The following CABIN1 variants were observed in gnomAD, a reference collection of about 807,000 sequenced individuals.
CABIN1 encodes the protein calcineurin binding protein 1.
In CABIN1, 133 loss-of-function variants were observed where a neutral mutation model predicts 227.7. That is an observed-to-expected ratio of 0.58 (90% CI 0.51 to 0.67). The LOEUF is 0.67. Ranked by LOEUF, CABIN1 falls within the 30% of genes least tolerant of loss-of-function variation. The pLI is 0.00. For missense variants in CABIN1, 2,408 were observed against 2,852.5 expected (o/e 0.84, Z 3.55); for synonymous variants, 1,086 against 1,155.1 (o/e 0.94, Z 1.21).
At chr22:24,157,185 C>T (rs1352707737) in intron 29 of CABIN1, among the ~76,000 whole-genome samples, 1 of 152,124 alleles carries the variant, frequency 6.6e-6, no homozygotes, top group African/African-American at 2.4e-5. Flanking sequence ...AACTTCCTGT[C>T]CCTAGGGGTG....
rs543250315 is a variant in CABIN1 at position 24,175,930 on chromosome 22, G to A, written c.6041-181G>A. 25 of 715,232 alleles carry A rather than the reference G, an allele frequency of 3.5e-5. No homozygotes were observed. In the East Asian group the frequency reaches 6.2e-4, roughly 18 times the overall value. 44.3% of individuals were successfully genotyped at this position (715,232 alleles called of 1,614,324 possible). A position where few individuals can be genotyped will look rare whatever the true frequency, so the allele number is the denominator to read the frequency against. On this transcript the variant is annotated intron_variant, in intron 34 of 36. Transcript: ENST00000263119. ...GCCAGCCCCTACCAGTGTCCTCTTG[G>A]GTGGTGAGTGGTTTCTTGGCAGCAC...
In CABIN1 at chr22:24,085,103, C is replaced by A. The variant is rs1461620546; in HGVS notation, c.3215C>A (p.Ser1072Tyr). 1.2e-6 allele frequency: 2 copies of A among 1,614,196 alleles called. No homozygotes were observed. The highest frequency in any genetic ancestry group is 2.2e-5 in the South Asian group (2 of 91,080). The change falls in exon 22 of 37, where the codon TCC becomes TAC. Residue 1072 changes from serine to tyrosine, a missense_variant. Coordinates refer to ENST00000263119, the MANE Select transcript of CABIN1 (RefSeq NM_012295.4). ...ADYHFKNKEQSKAIKFYMHDI... is the reference protein window; with the variant it reads ...ADYHFKNKEQYKAIKFYMHDI... The stretch of plus-strand genomic sequence containing the variant: ...TATCATTTCAAAAACAAGGAGCAGT[C>A]CAAGGCCATCAAGTTCTACATGCAT...
At chr22:24,027,799 A>G (rs529376597) in intron 1 of CABIN1, among the ~76,000 whole-genome samples, 1 of 152,100 alleles carries the variant, frequency 6.6e-6, no homozygotes, top group African/African-American at 2.4e-5. Flanking sequence ...ATGCTCTTTG[A>G]CTCTCCAGTT....
intron 29 of CABIN1, among the ~76,000 whole-genome samples, chr22:24,134,808 T>C (rs1440542368): frequency 6.6e-6 from 1 of 152,254 alleles, no homozygotes. Flanking sequence ...CCGGGCGCGG[T>C]GGCTCACGCC....
At position 24,171,773 on chromosome 22, in the gene CABIN1, C is replaced by G; in HGVS notation, c.5818C>G (p.Pro1940Ala). ...HPKDSRENFF[P>A]VTVVPTAPDP... is the part of the protein sequence containing the mutation. ...CAAAGACAGCCGAGAGAACTTCTTT[C>G]CTGTGACAGTGGTGCCCACAGCCCC... Residue 1940 changes from proline to alanine, a missense_variant, in exon 34 of 37, where the codon CCT becomes GCT. Transcript: ENST00000263119. 1 of 1,614,182 alleles carries G rather than the reference C, an allele frequency of 6.2e-7. No individual in the cohort carries two copies. The highest frequency in any genetic ancestry group is 2.2e-5 in the East Asian group (1 of 44,880).
intron 32 of CABIN1, 126 bp downstream of exon 32, chr22:24,167,439 C>CTAA: frequency 1.3e-6 from 1 of 785,770 alleles, no homozygotes; most frequent in Non-Finnish European, 2.1e-6. Flanking sequence ...GTTCCCACAC[C>CTAA]ATCCCTGCTG....
chr22:24,098,225 G>A, intron 26 of CABIN1, 33 bp downstream of exon 26: 1 of 1,613,590 alleles, frequency 6.2e-7, no homozygotes, highest in South Asian at 1.1e-5. Context: ...TGCCAGCCCA[G>A]GGCGGCACAT....
Position 24,122,706 on chromosome 22 carries a change from TA to T in CABIN1, c.4632+3017del, listed in dbSNP as rs200222624. Among the ~76,000 whole-genome samples, 1,453 of 150,588 alleles carry T rather than the reference TA, an allele frequency of 9.6e-3. 29 individuals are homozygous for T. Among genetic ancestry groups the T allele is most frequent in the African/African-American group, 0.033 (1,364 of 41,008 alleles). On this transcript the variant is annotated intron_variant, in intron 28 of 36. Coordinates refer to ENST00000263119, the MANE Select transcript of CABIN1 (RefSeq NM_012295.4). ...CTGGGCGAAAGACCAAAACTCCCTC[TA>T]AAAAAAAACAAAAACAAAAAACCAA...
chr22:24,150,540 G>C (rs1235465799), intron 29 of CABIN1, among the ~76,000 whole-genome samples: 1 of 152,204 alleles, frequency 6.6e-6, no homozygotes. Flanking sequence ...CCACCTCGGG[G>C]TGTGGAGGCC....
intron 29 of CABIN1, among the ~76,000 whole-genome samples, chr22:24,139,902 T>C (rs570792349): frequency 5.9e-5 from 9 of 152,374 alleles, no homozygotes; most frequent in Admixed American, 4.6e-4. Flanking sequence ...CTGGATGTTG[T>C]AGGAGTCAGG....
chr22:24,016,071 G>A (rs2035259278), intron 1 of CABIN1, among the ~76,000 whole-genome samples: 1 of 152,216 alleles, frequency 6.6e-6, no homozygotes, highest in African/African-American at 2.4e-5. Context: ...AGTTATGCAA[G>A]CATCATCGCA....
intron 1 of CABIN1, among the ~76,000 whole-genome samples, chr22:24,015,239 C>T (rs1320842224): frequency 1.5e-5 from 2 of 130,434 alleles, no homozygotes; most frequent in Non-Finnish European, 3.1e-5. Flanking sequence ...GCACTCCAGC[C>T]TGGGTGACCG....
intron 26 of CABIN1, among the ~76,000 whole-genome samples, chr22:24,112,443 G>A (rs2042862012): frequency 6.6e-6 from 1 of 152,188 alleles, no homozygotes; most frequent in African/African-American, 2.4e-5. Flanking sequence ...GAGCTGGTTT[G>A]CCACAAGGTT....
chr22:24,097,750 T>C (rs2147371875), intron 25 of CABIN1, among the ~76,000 whole-genome samples: 1 of 152,314 alleles, frequency 6.6e-6, no homozygotes, highest in Non-Finnish European at 1.5e-5. Context: ...TTGGCTCCTC[T>C]ATAGAGCCTC....
chr22:24,026,796 T>G (rs770697392), intron 1 of CABIN1, among the ~76,000 whole-genome samples: 8 of 152,352 alleles, frequency 5.3e-5, no homozygotes, highest in African/African-American at 1.7e-4. Flanking sequence ...AGCTTTATTG[T>G]AAGTTTTTAA....
intron 31 of CABIN1, 43 bp downstream of exon 31, chr22:24,165,669 C>T (rs755692265): frequency 2.2e-5 from 33 of 1,524,252 alleles, no homozygotes; most frequent in Middle Eastern, 2.0e-4. Context: ...CCCATGAACA[C>T]GCTTCCAAGC....
At position 24,166,791 on chromosome 22, in the gene CABIN1, G is replaced by A. The variant is rs533349182; in HGVS notation, c.5160G>A (p.Glu1720=). 47 of 1,613,012 alleles carry A rather than the reference G, an allele frequency of 2.9e-5. No individual in the cohort carries two copies. In the East Asian group the frequency reaches 3.1e-4, roughly 11 times the overall value. The stretch of plus-strand genomic sequence containing the variant: ...CTGATGGCTCAGGGCCAGGGCCCGA[G>A]CCAGGAGGCAAAGTGGGCCTCCTCA... ...PLADGSGPGP[E]PGGKVGLLNH... is the part of the protein sequence containing the mutation. The change falls in exon 32 of 37, where the codon GAG becomes GAA. Residue 1720 remains glutamate, a synonymous_variant. Transcript: ENST00000263119.
chr22:24,114,711 A>G (rs941293087), intron 27 of CABIN1, among the ~76,000 whole-genome samples: 5 of 152,192 alleles, frequency 3.3e-5, no homozygotes, highest in Non-Finnish European at 7.4e-5. Flanking sequence ...TCTCAGAGCA[A>G]GCCCTGGATG....
intron 33 of CABIN1, among the ~76,000 whole-genome samples, chr22:24,170,640 C>T (rs544563610): frequency 4.7e-4 from 72 of 152,246 alleles, no homozygotes; most frequent in South Asian, 1.2e-3. Context: ...CCCAGACACC[C>T]AGTATGTGGC....
Sources: allele counts gnomAD v4.1 joint callset (sites outside exome capture counted in the v4.1 genomes callset), GRCh38; gene constraint gnomAD v4.1.1; transcripts MANE v1.5; gene names NCBI Gene and HGNC (gene_info 2026-07-23, HGNC 2026-07-21).